ATP5PB: variants seen among roughly 807,000 people sequenced by gnomAD.
ATP5PB encodes the protein ATP synthase peripheral stalk subunit b, mitochondrial.
ATP5PB carries 21 observed loss-of-function variants against 34.5 expected under a neutral mutation model. That is an observed-to-expected ratio of 0.61 (90% CI 0.43 to 0.88). The LOEUF is 0.88. Ranked by LOEUF, ATP5PB falls within the 40% of genes least tolerant of loss-of-function variation. ATP5PB has a pLI of 0.00. For synonymous variants in ATP5PB, 108 were observed against 114.1 expected, an observed-to-expected ratio of 0.95 and a Z score of 0.34; for missense variants, 293 against 317.4, an observed-to-expected ratio of 0.92 and a Z score of 0.58.
At chr1:111,454,139 T>G in intron 2 of ATP5PB, 72 bp from the exon 3 acceptor site, 1 of 1,391,604 alleles carries the variant, frequency 7.2e-7, no homozygotes, top group Non-Finnish European at 9.4e-7. Context: ...ATTTATTGTT[T>G]CTGCTCATTA....
rs1653405497 is a variant in ATP5PB at position 111,454,151 on chromosome 1, T to C, written c.78-60T>C. The C allele has an allele frequency of 2.1e-6, 3 of 1,440,798 alleles. No individual in the cohort carries two copies. The East Asian group carries it at 7.5e-5, about 36-fold the overall frequency. The allele number at this position is 1,440,798 out of a possible 1,614,324, so 89.3% of individuals were successfully genotyped here. A position where few individuals can be genotyped will look rare whatever the true frequency, so the allele number is the denominator to read the frequency against. On this transcript the variant is annotated intron_variant, in intron 2 of 6. Coordinates refer to ENST00000369722, the MANE Select transcript of ATP5PB (RefSeq NM_001688.5). ...CCTATTTATTGTTTCTGCTCATTAT[T>C]CATACACTGTATTCTCCTTAAAGAA...
intron 2 of ATP5PB, 103 bp from the exon 3 acceptor site, chr1:111,454,108 A>C: frequency 8.0e-7 from 1 of 1,248,870 alleles, no homozygotes; most frequent in Non-Finnish European, 1.1e-6. Flanking sequence ...GAGTTAGAAA[A>C]CTGCCTCAAT....
chr1:111,456,749 G>T lies in ATP5PB; in HGVS notation c.507G>T (p.Val169=). Residue 169 remains valine, a synonymous_variant, in exon 5 of 7, where the codon GTG becomes GTT. Coordinates refer to ENST00000369722, the MANE Select transcript of ATP5PB (RefSeq NM_001688.5). ...LVQKRHYLFD[V]QRNNIAMALE... ...AGAAGCGCCATTACCTTTTTGATGT[G>T]CAAAGGGTAGGTTTCAGAAGTTTCT... is the stretch of plus-strand genomic sequence containing the variant. 6.2e-7 allele frequency: 1 copy of T among 1,605,874 alleles called. No homozygotes were observed. Among genetic ancestry groups the T allele is most frequent in the South Asian group, 1.1e-5 (1 of 89,022 alleles).
intron 1 of ATP5PB, 109 bp downstream of exon 1, chr1:111,449,690 TG>T: frequency 6.5e-7 from 1 of 1,537,772 alleles, no homozygotes; most frequent in East Asian, 2.3e-5. Context: ...GAGAGGCGAG[TG>T]GTCAGTGCAG....
intron 2 of ATP5PB, among the ~76,000 whole-genome samples, chr1:111,453,546 AATGT>A (rs1235385071): frequency 6.6e-6 from 1 of 152,190 alleles, no homozygotes; most frequent in African/African-American, 2.4e-5. Flanking sequence ...AGGTTCCAAG[AATGT>A]ATGTATCATC....
intron 2 of ATP5PB, among the ~76,000 whole-genome samples, chr1:111,451,289 C>A (rs557662722): frequency 6.6e-6 from 1 of 152,198 alleles, no homozygotes; most frequent in Non-Finnish European, 1.5e-5. Flanking sequence ...AACTACCAAG[C>A]GCATTCTTGC....
chr1:111,455,765 G>A (rs1323829132), intron 3 of ATP5PB, among the ~76,000 whole-genome samples: 1 of 152,120 alleles, frequency 6.6e-6, no homozygotes, highest in Non-Finnish European at 1.5e-5. Context: ...TTTACTGTGC[G>A]GGGTATTGTG....
chr1:111,453,747 A>G (rs1571375807), intron 2 of ATP5PB, among the ~76,000 whole-genome samples: 1 of 152,234 alleles, frequency 6.6e-6, no homozygotes, highest in Non-Finnish European at 1.5e-5. Context: ...AGCACGTCAC[A>G]TATATTAACT....
In ATP5PB at chr1:111,454,458, TGTTGTTG is replaced by T; in HGVS notation, c.223+103_223+109del. On this transcript the variant is annotated intron_variant, in intron 3 of 6. Coordinates refer to ENST00000369722, the MANE Select transcript of ATP5PB (RefSeq NM_001688.5). ...TGGTTTTTGTTGTTGTTGTTGTTGT[TGTTGTTG>T]TTGTTTTTTGAGACAGGGTATTACT... The T allele has an allele frequency of 2.1e-5, 30 of 1,430,288 alleles. No individual in the cohort carries two copies. In the African/African-American group the frequency reaches 3.5e-4, roughly 17 times the overall value. The allele number at this position is 1,430,288 out of a possible 1,614,324, so 88.6% of individuals were successfully genotyped here.
At chr1:111,457,058 G>A (rs1335295531) in intron 5 of ATP5PB, among the ~76,000 whole-genome samples, 3 of 152,202 alleles carry the variant, frequency 2.0e-5, no homozygotes, top group Non-Finnish European at 2.9e-5. Context: ...GTGTAAGGAA[G>A]ACTAGGTAAA....
rs371788562 is a variant in ATP5PB, at chr1:111,459,490, C to T, written c.547C>T (p.Arg183Trp). ...NIAMALEVTY[R>W]ERLYRVYKEV... ...TGCTATGGCTTTGGAAGTTACTTACCGGGAACGACTGTATAGAGTATATAA... is the reference window on the plus strand; with the variant it reads ...TGCTATGGCTTTGGAAGTTACTTACTGGGAACGACTGTATAGAGTATATAA... The change falls in exon 6 of 7, where the codon CGG (arginine) becomes TGG (tryptophan). Residue 183 changes from arginine (R) to tryptophan (W), a missense_variant. By Grantham distance (101) the Arg-to-Trp change is moderately radical. Coordinates refer to ENST00000369722, the MANE Select transcript of ATP5PB (RefSeq NM_001688.5). The T allele has an allele frequency of 2.0e-5, 32 of 1,609,486 alleles. No homozygotes were observed. The highest frequency in any genetic ancestry group is 3.3e-4 in the Middle Eastern group (2 of 6,004).
At chr1:111,459,780 T>A in intron 6 of ATP5PB, 144 bp downstream of exon 6, 1 of 835,744 alleles carries the variant, frequency 1.2e-6, no homozygotes, top group South Asian at 2.0e-5. Context: ...TTCTGGATAG[T>A]GATAAGCAGG....
intron 2 of ATP5PB, among the ~76,000 whole-genome samples, chr1:111,451,186 A>G (rs965735308): frequency 3.3e-5 from 5 of 152,180 alleles, no homozygotes; most frequent in African/African-American, 1.2e-4. Context: ...ATAACCCAGA[A>G]GGTCCAACAT....
intron 2 of ATP5PB, among the ~76,000 whole-genome samples, chr1:111,453,191 C>G (rs1653381233): frequency 6.6e-6 from 1 of 152,080 alleles, no homozygotes; most frequent in African/African-American, 2.4e-5. Flanking sequence ...TTTATTTCAT[C>G]AGAAGCTTAA....
chr1:111,451,143 C>T (rs879458725), intron 2 of ATP5PB, among the ~76,000 whole-genome samples: 1 of 152,178 alleles, frequency 6.6e-6, no homozygotes, highest in African/African-American at 2.4e-5. Context: ...TTCCAGAGCT[C>T]CCCATCCCAC....
In ATP5PB at chr1:111,456,983, A is replaced by C. The variant is rs1479462233; in HGVS notation, c.513+228A>C. Among the ~76,000 whole-genome samples, 4 of 152,104 alleles carry C rather than the reference A, an allele frequency of 2.6e-5. No individual in the cohort carries two copies. The East Asian group carries it at 7.7e-4, about 29-fold the overall frequency. On this transcript the variant is annotated intron_variant, in intron 5 of 6. Transcript: ENST00000369722. The stretch of plus-strand genomic sequence containing the variant: ...AGAATCTATAGAAGCTATTAAAAAA[A>C]ATTTTGGATCCACACAAAATGAAAT...
intron 2 of ATP5PB, among the ~76,000 whole-genome samples, chr1:111,453,671 A>T (rs1251546557): frequency 6.6e-6 from 1 of 152,252 alleles, no homozygotes; most frequent in African/African-American, 2.4e-5. Flanking sequence ...AGGAGCTTAC[A>T]ACATATCAGG....
At chr1:111,457,180 G>C (rs1653496723) in intron 5 of ATP5PB, among the ~76,000 whole-genome samples, 1 of 152,140 alleles carries the variant, frequency 6.6e-6, no homozygotes, top group South Asian at 2.1e-4. Context: ...GGGCACAGTG[G>C]CTCACACCTG....
rs773084651 is a variant in ATP5PB at position 111,449,837 on chromosome 1, C to A, written c.41C>A (p.Ala14Asp). 3 of 1,614,036 alleles carry A rather than the reference C, an allele frequency of 1.9e-6. No homozygotes were observed. The highest frequency in any genetic ancestry group is 2.5e-6 in the Non-Finnish European group (3 of 1,180,020). Reference protein sequence around the residue: ...RVVLSAAATAAPSLKNAAFLG... With the variant: ...RVVLSAAATADPSLKNAAFLG... The stretch of plus-strand genomic sequence containing the variant: ...TGACCTTCGCCTTGTCTATCTGCAG[C>A]CCCCTCTCTGAAGAATGCAGCCTTC... Residue 14 changes from alanine to aspartate, a missense_variant and splice_region_variant, in exon 2 of 7, where the codon GCC becomes GAC. Physicochemically the swap from Ala to Asp is moderately radical, Grantham distance 126. Transcript: ENST00000369722.
Sources: gnomAD v4.1 joint callset for allele counts (sites outside exome capture counted in the v4.1 genomes callset) on GRCh38, gnomAD v4.1.1 for gene constraint, MANE v1.5 for transcripts, NCBI Gene and HGNC (gene_info 2026-07-23, HGNC 2026-07-21) for gene names.